The following ATP10B variants were observed in gnomAD, a reference collection of about 807,000 sequenced individuals.
ATP10B encodes the protein phospholipid-transporting ATPase VB.
Under a neutral mutation model 141.2 loss-of-function variants are expected in ATP10B, and 122 were observed. The observed-to-expected ratio is 0.86, with a 90% confidence interval of 0.75 to 1.00. ATP10B has a LOEUF of 1.00. ATP10B is among the 50% of genes least tolerant of loss of function. ATP10B has a pLI of 0.00. For synonymous variants in ATP10B, 685 were observed against 692.0 expected (o/e 0.99, Z 0.16); for missense variants, 1,876 against 1,825.3 (o/e 1.03, Z -0.51).
chr5:160,920,605 G>T, the ATP10B span, among the ~76,000 whole-genome samples: 1 of 152,070 alleles, frequency 6.6e-6, no homozygotes, highest in Non-Finnish European at 1.5e-5. Flanking sequence ...TCCCAGATAC[G>T]TAAGTCAGTG....
intron 2 of ATP10B, among the ~76,000 whole-genome samples, chr5:160,772,783 A>G (rs1293510473): frequency 6.6e-6 from 1 of 152,122 alleles, no homozygotes; most frequent in African/African-American, 2.4e-5. Context: ...CCCTGTCCTA[A>G]AAAGCCAGTC....
the ATP10B span, among the ~76,000 whole-genome samples, chr5:160,924,742 T>C: frequency 6.6e-6 from 1 of 152,176 alleles, no homozygotes; most frequent in Non-Finnish European, 1.5e-5. Context: ...TCGTCACTTA[T>C]CCTAACATTC....
intron 3 of ATP10B, among the ~76,000 whole-genome samples, chr5:160,695,054 C>A (rs944358727): frequency 2.6e-5 from 4 of 152,146 alleles, no homozygotes; most frequent in African/African-American, 9.7e-5. Flanking sequence ...ATGATTTCGT[C>A]ATTTCAAAAT....
At chr5:160,912,580 C>G in the ATP10B span, among the ~76,000 whole-genome samples, 1 of 148,444 alleles carries the variant, frequency 6.7e-6, no homozygotes, top group Non-Finnish European at 1.5e-5. Context: ...GCCTGGCCAA[C>G]AGAGTAAGCC....
chr5:160,909,672 C>A, the ATP10B span, among the ~76,000 whole-genome samples: 7 of 152,220 alleles, frequency 4.6e-5, no homozygotes, highest in Non-Finnish European at 1.0e-4. Context: ...ATTTCAGTAA[C>A]TAATGTTTAC....
In ATP10B at chr5:160,762,793, C is replaced by G. The variant is rs575925558; in HGVS notation, c.-331+22766G>C. 3.3e-5 allele frequency among the ~76,000 whole-genome samples: 5 copies of G among 152,188 alleles called. No homozygotes were observed. The East Asian group carries it at 9.6e-4, about 29-fold the overall frequency. On this transcript the variant is annotated intron_variant, in intron 2 of 25. Coordinates refer to ENST00000327245, the MANE Select transcript of ATP10B (RefSeq NM_025153.3). ...GAATGGCAGAATGGATTAAAATTCA[C>G]CAAATATCTGCTGTCTTCAAGAGAC...
chr5:160,599,073 T>A (rs1186976473), intron 21 of ATP10B, 103 bp from the exon 22 acceptor site: 1 of 955,856 alleles, frequency 1.0e-6, no homozygotes, highest in Non-Finnish European at 1.6e-6. Context: ...AGTTGCCTCA[T>A]TTATAACACA....
intron 8 of ATP10B, among the ~76,000 whole-genome samples, chr5:160,647,976 A>G (rs541771252): frequency 1.8e-4 from 28 of 152,252 alleles, no homozygotes; most frequent in African/African-American, 6.3e-4. Context: ...TGCAGGCCCT[A>G]TTGGTGGAGA....
chr5:160,652,275 G>C (rs989488449), intron 7 of ATP10B, among the ~76,000 whole-genome samples: 2 of 151,880 alleles, frequency 1.3e-5, no homozygotes, highest in African/African-American at 4.8e-5. Flanking sequence ...GGAGGAAGAG[G>C]GGCTGTGGAG....
intron 7 of ATP10B, among the ~76,000 whole-genome samples, chr5:160,655,514 G>C (rs761358020): frequency 6.6e-6 from 1 of 152,088 alleles, no homozygotes; most frequent in African/African-American, 2.4e-5. Context: ...GATGTGTTGA[G>C]GTAAGGTTAG....
chr5:160,741,916 G>T (rs1561807043), intron 2 of ATP10B, among the ~76,000 whole-genome samples: 1 of 152,154 alleles, frequency 6.6e-6, no homozygotes, highest in South Asian at 2.1e-4. Context: ...CTTAGTAAGT[G>T]CCAGACTTTG....
chr5:160,683,450 T>C (rs1328830339), intron 6 of ATP10B, among the ~76,000 whole-genome samples: 1 of 152,192 alleles, frequency 6.6e-6, no homozygotes, highest in Non-Finnish European at 1.5e-5. Flanking sequence ...GGCTACAATT[T>C]TCCAAGTGGA....
At chr5:160,566,925 A>G (rs948880220) in intron 25 of ATP10B, among the ~76,000 whole-genome samples, 2 of 152,210 alleles carry the variant, frequency 1.3e-5, no homozygotes, top group African/African-American at 4.8e-5. Flanking sequence ...TAAAAGCTGC[A>G]AGGTGACCCC....
At chr5:160,625,448 T>G (rs1202654068) in intron 13 of ATP10B, among the ~76,000 whole-genome samples, 1 of 152,186 alleles carries the variant, frequency 6.6e-6, no homozygotes, top group Non-Finnish European at 1.5e-5. Context: ...ATAAATGAGA[T>G]GCTGTTAAAT....
intron 10 of ATP10B, among the ~76,000 whole-genome samples, chr5:160,638,402 A>AG (rs1759576315): frequency 6.6e-6 from 1 of 152,152 alleles, no homozygotes. Flanking sequence ...TATGCCCTGA[A>AG]AAACCTGTCC....
intron 7 of ATP10B, among the ~76,000 whole-genome samples, chr5:160,653,207 T>C (rs1761043080): frequency 7.4e-6 from 1 of 134,902 alleles, no homozygotes; most frequent in South Asian, 2.2e-4. Flanking sequence ...TATTATATAC[T>C]ATATATCATA....
intron 1 of ATP10B, among the ~76,000 whole-genome samples, chr5:160,820,926 G>A (rs183988665): frequency 6.6e-6 from 1 of 152,190 alleles, no homozygotes; most frequent in Non-Finnish European, 1.5e-5. Flanking sequence ...CAGACCCATA[G>A]CAGGCATCAT....
At chr5:160,831,522 G>C (rs1477673609) in intron 1 of ATP10B, among the ~76,000 whole-genome samples, 2 of 152,088 alleles carry the variant, frequency 1.3e-5, no homozygotes, top group African/African-American at 2.4e-5. Flanking sequence ...GGAAGGTCAA[G>C]TAGGTTCAAT....
chr5:160,609,767 T>A (rs925720038), intron 18 of ATP10B, among the ~76,000 whole-genome samples: 1 of 152,174 alleles, frequency 6.6e-6, no homozygotes, highest in Non-Finnish European at 1.5e-5. Context: ...TTGCAGGCAC[T>A]AGAATATGCA....
Sources: allele counts gnomAD v4.1 joint callset (sites outside exome capture counted in the v4.1 genomes callset), GRCh38; gene constraint gnomAD v4.1.1; transcripts MANE v1.5; gene names NCBI Gene and HGNC (gene_info 2026-07-23, HGNC 2026-07-21).